Variants in TENT4B observed in about 807,000 individuals in gnomAD.
TENT4B encodes the protein terminal nucleotidyltransferase 4B, also known as PAP associated domain containing 5.
TENT4B carries 10 observed loss-of-function variants against 75.0 expected under a neutral mutation model. The observed-to-expected ratio is 0.13, with a 90% confidence interval of 0.08 to 0.23. The LOEUF is 0.23. Ranked by LOEUF, TENT4B falls within the 10% of genes least tolerant of loss-of-function variation. The pLI, the probability that TENT4B is intolerant of heterozygous loss-of-function variation, is 1.00. For missense variants in TENT4B, 579 were observed against 893.8 expected, an observed-to-expected ratio of 0.65 and a Z score of 4.49; for synonymous variants, 350 against 357.7, an observed-to-expected ratio of 0.98 and a Z score of 0.24.
chr16:50,153,504 A>G lies in TENT4B; in HGVS notation c.-118A>G, dbSNP rs867651794. On this transcript the variant is annotated 5_prime_UTR_variant, in exon 1 of 12. Coordinates refer to ENST00000561678, the MANE Select transcript of TENT4B (RefSeq NM_001365324.3). ...GCGGGCCCCGAGCAGCAGCAGCAGCAGCAGCGGCAGCAGCGGCAGCAGCAG... is the reference window on the plus strand; with the variant it reads ...GCGGGCCCCGAGCAGCAGCAGCAGCGGCAGCGGCAGCAGCGGCAGCAGCAG... 3.6e-3 allele frequency: 916 copies of G among 254,278 alleles called. 2 individuals carry two copies. Among genetic ancestry groups the G allele is most frequent in the Middle Eastern group, 0.011 (5 of 468 alleles). 15.8% of individuals were successfully genotyped at this position (254,278 alleles called of 1,614,324 possible). A position where few individuals can be genotyped will look rare whatever the true frequency, so the allele number is the denominator to read the frequency against.
intron 1 of TENT4B, among the ~76,000 whole-genome samples, chr16:50,155,362 T>C (rs2037878349): frequency 6.6e-6 from 1 of 151,802 alleles, no homozygotes; most frequent in African/African-American, 2.4e-5. Context: ...TTTTTCAGGT[T>C]GTGTTTTACA....
At chr16:50,223,435 C>T (rs745939098) in intron 7 of TENT4B, 48 bp downstream of exon 7, 28 of 1,265,298 alleles carry the variant, frequency 2.2e-5, no homozygotes. Flanking sequence ...AGGGCACTGT[C>T]AGTCACCTTA....
intron 1 of TENT4B, among the ~76,000 whole-genome samples, chr16:50,175,675 T>C (rs1367123936): frequency 1.3e-5 from 2 of 152,202 alleles, no homozygotes; most frequent in South Asian, 4.2e-4. Flanking sequence ...TTGCACCATG[T>C]TGGCCAGGAT....
chr16:50,201,840 A>G (rs2030672315), intron 1 of TENT4B, among the ~76,000 whole-genome samples: 1 of 151,604 alleles, frequency 6.6e-6, no homozygotes, highest in Non-Finnish European at 1.5e-5. Context: ...TAAAAAAAAA[A>G]AAAAAAAAAG....
rs2032358914 is a variant in TENT4B, at chr16:50,233,561, ATT to A, written c.*4234_*4235del. 1.0e-6 allele frequency: 1 copy of A among 984,906 alleles called. No individual in the cohort carries two copies. Among genetic ancestry groups the A allele is most frequent in the Non-Finnish European group, 1.2e-6 (1 of 829,482 alleles). The allele number at this position is 984,906 out of a possible 1,614,324, so 61.0% of individuals were successfully genotyped here. A position where few individuals can be genotyped will look rare whatever the true frequency, so the allele number is the denominator to read the frequency against. On this transcript the variant is annotated 3_prime_UTR_variant, in exon 12 of 12. Coordinates refer to ENST00000561678, the MANE Select transcript of TENT4B (RefSeq NM_001365324.3). The stretch of plus-strand genomic sequence containing the variant: ...TATATAGACGTTGAATGTTGACAAA[ATT>A]ATTAACCAGAAAAATTGCTTATAAA...
At chr16:50,205,715 C>G (rs1392484039) in intron 1 of TENT4B, among the ~76,000 whole-genome samples, 1 of 151,220 alleles carries the variant, frequency 6.6e-6, no homozygotes. Flanking sequence ...CTCAGCCTCC[C>G]GAGTAGCTGG....
chr16:50,221,256 A>T (rs2031814998), intron 5 of TENT4B, among the ~76,000 whole-genome samples: 1 of 152,208 alleles, frequency 6.6e-6, no homozygotes, highest in South Asian at 2.1e-4. Flanking sequence ...GGGGAAAAAA[A>T]TGGAAATCAC....
chr16:50,172,757 A>C (rs567521128), intron 1 of TENT4B, among the ~76,000 whole-genome samples: 1 of 152,116 alleles, frequency 6.6e-6, no homozygotes, highest in Non-Finnish European at 1.5e-5. Flanking sequence ...CTAGCATTAT[A>C]GTATCATATT....
At position 50,157,922 on chromosome 16, in the gene TENT4B, T is replaced by A. The variant is rs9925196; in HGVS notation, c.638+3663T>A. ...TTGGGACTACAGGCGAGTGCCACCA[T>A]GCCTGGCTCATTTTGGTTTTTTTTG... On this transcript the variant is annotated intron_variant, in intron 1 of 11. Transcript: ENST00000561678. Among the ~76,000 whole-genome samples the A allele has an allele frequency of 3.9e-5, 6 of 151,982 alleles. No individual in the cohort carries two copies. In the South Asian group the frequency reaches 1.0e-3, roughly 26 times the overall value.
Position 50,234,916 on chromosome 16 carries a change from CTTT to C in TENT4B, c.*5589_*5591del, listed in dbSNP as rs2032401766. ...TAGTAACCTTTTTATGTATTTCCTT[CTTT>C]GATTAGCATTGTCTTCAGTGTTAAG... On this transcript the variant is annotated 3_prime_UTR_variant, in exon 12 of 12. Transcript: ENST00000561678. The C allele has an allele frequency of 1.0e-6, 1 of 985,646 alleles. No individual in the cohort carries two copies. Among genetic ancestry groups the C allele is most frequent in the South Asian group, 4.7e-5 (1 of 21,282 alleles). The allele number at this position is 985,646 out of a possible 1,614,324, so 61.1% of individuals were successfully genotyped here. A position where few individuals can be genotyped will look rare whatever the true frequency, so the allele number is the denominator to read the frequency against.
chr16:50,226,507 C>G (rs1211343985), intron 10 of TENT4B, among the ~76,000 whole-genome samples: 1 of 152,166 alleles, frequency 6.6e-6, no homozygotes, highest in East Asian at 1.9e-4. Context: ...TCTTGGCTCA[C>G]TGCAAGCTCC....
At chr16:50,198,423 A>C (rs1289549524) in intron 1 of TENT4B, among the ~76,000 whole-genome samples, 2 of 151,682 alleles carry the variant, frequency 1.3e-5, no homozygotes, top group African/African-American at 4.8e-5. Context: ...TGTCTAAAAA[A>C]AAAAAAAAAA....
intron 1 of TENT4B, among the ~76,000 whole-genome samples, chr16:50,162,999 C>A (rs1321128545): frequency 6.6e-6 from 1 of 152,156 alleles, no homozygotes; most frequent in Non-Finnish European, 1.5e-5. Context: ...AGAATAGATA[C>A]TTGATCTTCA....
At chr16:50,153,152 G>A (rs555024504), upstream of TENT4B, 970 of 519,646 alleles carry the variant, frequency 1.9e-3, 11 homozygotes, top group African/African-American at 0.021. Flanking sequence ...CGGCGCAGCG[G>A]GGGCGGGGCG....
At chr16:50,206,977 C>A (rs2031014271) in intron 1 of TENT4B, among the ~76,000 whole-genome samples, 1 of 150,202 alleles carries the variant, frequency 6.7e-6, no homozygotes, top group Non-Finnish European at 1.5e-5. Flanking sequence ...TTTTTGGACA[C>A]CTCCTTGTCA....
chr16:50,173,310 T>C (rs1015896094), intron 1 of TENT4B, among the ~76,000 whole-genome samples: 4 of 152,198 alleles, frequency 2.6e-5, no homozygotes, highest in African/African-American at 9.6e-5. Context: ...CTATTCACCT[T>C]CTGAAGGACA....
chr16:50,197,744 C>T (rs1050654204), intron 1 of TENT4B, among the ~76,000 whole-genome samples: 16 of 152,092 alleles, frequency 1.1e-4, no homozygotes, highest in Admixed American at 6.6e-5. Context: ...CAGAAACAGC[C>T]GGATTGGTTA....
At chr16:50,172,970 T>C (rs1047060670) in intron 1 of TENT4B, among the ~76,000 whole-genome samples, 2 of 152,038 alleles carry the variant, frequency 1.3e-5, no homozygotes, top group African/African-American at 4.8e-5. Flanking sequence ...TGAGATGGAG[T>C]CTCGCTCTCG....
At chr16:50,213,805 T>C (rs923245040) in intron 2 of TENT4B, among the ~76,000 whole-genome samples, 1 of 152,242 alleles carries the variant, frequency 6.6e-6, no homozygotes, top group East Asian at 1.9e-4. Context: ...AGGTAGCATT[T>C]ACATCATACT....
Sources: gnomAD v4.1 joint callset for allele counts (sites outside exome capture counted in the v4.1 genomes callset) on GRCh38, gnomAD v4.1.1 for gene constraint, MANE v1.5 for transcripts, NCBI Gene and HGNC (gene_info 2026-07-23, HGNC 2026-07-21) for gene names.